Variants in RBFOX1 observed in about 807,000 individuals in gnomAD.
RBFOX1 encodes RNA binding fox-1 homolog 1.
A neutral mutation model predicts 57.7 loss-of-function variants in RBFOX1; 8 were observed. That is an observed-to-expected ratio of 0.14 (90% CI 0.08 to 0.25). The LOEUF (loss-of-function observed/expected upper bound fraction) is 0.25. RBFOX1 is among the 10% of genes least tolerant of loss of function. The pLI is 1.00. For missense variants in RBFOX1, 611 were observed against 548.5 expected (o/e 1.11, Z -1.14); for synonymous variants, 326 against 222.4 (o/e 1.47, Z -4.15).
chr16:7,644,639 G>C (rs1416291056), intron 11 of RBFOX1, among the ~76,000 whole-genome samples: 3 of 152,186 alleles, frequency 2.0e-5, no homozygotes, highest in African/African-American at 7.2e-5. Flanking sequence ...ACACATATCA[G>C]TGATCACCTT....
At chr16:5,301,013 C>G (rs1427852612) in intron 1 of RBFOX1, among the ~76,000 whole-genome samples, 1 of 152,162 alleles carries the variant, frequency 6.6e-6, no homozygotes, top group African/African-American at 2.4e-5. Context: ...TTCCAGTAGC[C>G]TCTGCCTCTT....
chr16:5,544,048 A>G (rs2045080213), intron 2 of RBFOX1, among the ~76,000 whole-genome samples: 1 of 152,306 alleles, frequency 6.6e-6, no homozygotes, highest in South Asian at 2.1e-4. Flanking sequence ...GACCTGAACA[A>G]TGTCACCAAC....
chr16:6,364,094 C>A (rs1424074456), intron 2 of RBFOX1, among the ~76,000 whole-genome samples: 1 of 152,182 alleles, frequency 6.6e-6, no homozygotes, highest in Non-Finnish European at 1.5e-5. Flanking sequence ...AAAGGTTTAG[C>A]CTACCCCTCT....
chr16:7,635,948 C>A (rs1248034970), intron 11 of RBFOX1, among the ~76,000 whole-genome samples: 1 of 152,114 alleles, frequency 6.6e-6, no homozygotes, highest in Non-Finnish European at 1.5e-5. Context: ...GTAGCTGGGA[C>A]TACAGGCGCC....
chr16:7,454,438 G>A (rs1598814407), intron 4 of RBFOX1, among the ~76,000 whole-genome samples: 1 of 152,162 alleles, frequency 6.6e-6, no homozygotes, highest in African/African-American at 2.4e-5. Flanking sequence ...TCGTGTTCTA[G>A]CCCTGCAGCT....
At chr16:6,506,831 A>G (rs116085768) in intron 2 of RBFOX1, among the ~76,000 whole-genome samples, 3,420 of 152,046 alleles carry the variant, frequency 0.022, 133 homozygotes, top group African/African-American at 0.078. Context: ...AATTTTTAGT[A>G]GAGAGAGGGT....
Position 7,664,784 on chromosome 16 carries a change from C to T in RBFOX1, c.891-145C>T, listed in dbSNP as rs2068745634. 4.8e-6 allele frequency: 7 copies of T among 1,461,792 alleles called. No individual in the cohort carries two copies. The East Asian group carries it at 1.1e-4, about 24-fold the overall frequency. The allele number at this position is 1,461,792 out of a possible 1,614,324, so 90.6% of individuals were successfully genotyped here. On this transcript the variant is annotated intron_variant, in intron 12 of 15. Transcript: ENST00000550418. ...TTTGCTCAACTGCCGTTGTCTCCAA[C>T]CTCCTTAATCCAATGTGAAAACGAT...
intron 4 of RBFOX1, among the ~76,000 whole-genome samples, chr16:7,110,461 C>T (rs998788164): frequency 2.0e-5 from 3 of 152,158 alleles, no homozygotes; most frequent in African/African-American, 7.2e-5. Flanking sequence ...GACAAGACTT[C>T]AGCCAATTAA....
intron 2 of RBFOX1, among the ~76,000 whole-genome samples, chr16:6,544,610 TG>T (rs1448375354): frequency 1.3e-5 from 2 of 152,212 alleles, no homozygotes; most frequent in African/African-American, 4.8e-5. Flanking sequence ...ATTAACTTCA[TG>T]GGTGCATATA....
intron 3 of RBFOX1, among the ~76,000 whole-genome samples, chr16:5,626,137 C>T: frequency 6.6e-6 from 1 of 152,204 alleles, no homozygotes; most frequent in East Asian, 1.9e-4. Flanking sequence ...GCCTCGGCCT[C>T]CCAAAGTGCT....
intron 2 of RBFOX1, among the ~76,000 whole-genome samples, chr16:6,552,593 A>G (rs946554221): frequency 6.6e-6 from 1 of 152,128 alleles, no homozygotes; most frequent in Non-Finnish European, 1.5e-5. Context: ...ATACTTGAGG[A>G]ATTTTGAGGT....
At chr16:5,591,912 A>G (rs2047020830) in intron 2 of RBFOX1, among the ~76,000 whole-genome samples, 1 of 152,246 alleles carries the variant, frequency 6.6e-6, no homozygotes, top group Non-Finnish European at 1.5e-5. Context: ...TCCGAATATT[A>G]TCAACTTTTA....
chr16:6,860,375 G>C (rs1206234540), intron 3 of RBFOX1, among the ~76,000 whole-genome samples: 1 of 152,160 alleles, frequency 6.6e-6, no homozygotes, highest in Non-Finnish European at 1.5e-5. Context: ...GAAAGCATTT[G>C]TTATTTCAAA....
At chr16:7,045,677 C>G (rs930715601) in intron 3 of RBFOX1, among the ~76,000 whole-genome samples, 13 of 151,708 alleles carry the variant, frequency 8.6e-5, no homozygotes, top group African/African-American at 2.9e-4. Context: ...TAGAGCGAGA[C>G]ATTGTCTCGC....
At chr16:6,123,406 AG>A (rs1406256820) in intron 1 of RBFOX1, among the ~76,000 whole-genome samples, 3 of 152,236 alleles carry the variant, frequency 2.0e-5, no homozygotes, top group African/African-American at 7.2e-5. Flanking sequence ...CCAGATATAA[AG>A]GGACAAATAC....
chr16:7,684,214 G>A (rs1167169280), intron 14 of RBFOX1, among the ~76,000 whole-genome samples: 1 of 152,050 alleles, frequency 6.6e-6, no homozygotes, highest in Non-Finnish European at 1.5e-5. Context: ...AGACAGAAAT[G>A]ACTTATGGCT....
At chr16:7,349,152 A>T (rs1246961220) in intron 4 of RBFOX1, among the ~76,000 whole-genome samples, 1 of 152,074 alleles carries the variant, frequency 6.6e-6, no homozygotes, top group Admixed American at 6.5e-5. Flanking sequence ...TCTCCTAGAG[A>T]CCCACTGAAG....
rs73540097 is a variant in RBFOX1 at position 6,470,207 on chromosome 16, G to A, written c.-64+153150G>A. 6.1e-3 allele frequency among the ~76,000 whole-genome samples: 926 copies of A among 152,288 alleles called. 13 individuals carry two copies. Among genetic ancestry groups the A allele is most frequent in the African/African-American group, 0.021 (888 of 41,556 alleles). ...GCTGGCTGTTTGTCTTAGAGAATAT[G>A]TCCCTTTATGTCCTGTCTGGATAGG... On this transcript the variant is annotated intron_variant, in intron 2 of 15. Transcript: ENST00000550418.
intron 4 of RBFOX1, among the ~76,000 whole-genome samples, chr16:7,368,740 C>G (rs573554842): frequency 2.0e-5 from 3 of 150,902 alleles, no homozygotes; most frequent in East Asian, 2.0e-4. Flanking sequence ...AGATCACGCC[C>G]CTGCACTCCA....
Sources: allele counts gnomAD v4.1 joint callset (sites outside exome capture counted in the v4.1 genomes callset), GRCh38; gene constraint gnomAD v4.1.1; transcripts MANE v1.5; gene names NCBI Gene and HGNC (gene_info 2026-07-23, HGNC 2026-07-21).